ZHX3: variants seen among roughly 807,000 people sequenced by gnomAD.
ZHX3 encodes zinc fingers and homeoboxes 3.
ZHX3 carries 20 observed loss-of-function variants against 64.5 expected under a neutral mutation model. The ratio of observed to expected loss-of-function variants is 0.31; its 90% CI spans 0.22 to 0.45. The LOEUF (loss-of-function observed/expected upper bound fraction) is 0.45. ZHX3 is among the 20% of genes least tolerant of loss of function. The probability of loss-of-function intolerance (pLI) is 1.00; values close to 1 mark genes in which losing one functional copy is unlikely to be tolerated. For missense variants in ZHX3, 1,041 were observed against 1,195.8 expected (o/e 0.87, Z 1.91); for synonymous variants, 423 against 461.6 (o/e 0.92, Z 1.07).
At chr20:41,297,153 C>A (rs1395170949) in intron 1 of ZHX3, among the ~76,000 whole-genome samples, 1 of 152,204 alleles carries the variant, frequency 6.6e-6, no homozygotes, top group Non-Finnish European at 1.5e-5. Context: ...TGAATCAACA[C>A]AAGGAGAATG....
intron 2 of ZHX3, among the ~76,000 whole-genome samples, chr20:41,262,508 C>A (rs2042612223): frequency 1.3e-5 from 2 of 152,214 alleles, no homozygotes; most frequent in African/African-American, 4.8e-5. Flanking sequence ...ATTTAGCTCC[C>A]AGGGTGCCTG....
chr20:41,271,648 T>TA (rs572682307), intron 1 of ZHX3, among the ~76,000 whole-genome samples: 118 of 151,074 alleles, frequency 7.8e-4, no homozygotes, highest in South Asian at 2.5e-3. Flanking sequence ...GCCTCATTCA[T>TA]AAAAAAAAAG....
At chr20:41,215,585 C>T (rs984030910) in intron 2 of ZHX3, among the ~76,000 whole-genome samples, 4 of 151,832 alleles carry the variant, frequency 2.6e-5, no homozygotes, top group Admixed American at 6.6e-5. Context: ...CTCTTCCAAG[C>T]GTTATGATAG....
intron 2 of ZHX3, among the ~76,000 whole-genome samples, chr20:41,209,640 A>T (rs895257753): frequency 1.3e-5 from 2 of 152,224 alleles, no homozygotes; most frequent in African/African-American, 4.8e-5. Context: ...CTGGCTAGCC[A>T]TATGCAGAAA....
At chr20:41,304,906 G>A (rs1024082571) in intron 1 of ZHX3, among the ~76,000 whole-genome samples, 2 of 152,216 alleles carry the variant, frequency 1.3e-5, no homozygotes, top group Admixed American at 6.5e-5. Context: ...GAATCATCAT[G>A]GGGAAGAATC....
chr20:41,237,374 C>T (rs1265886203), intron 2 of ZHX3, among the ~76,000 whole-genome samples: 2 of 152,262 alleles, frequency 1.3e-5, no homozygotes, highest in East Asian at 1.9e-4. Context: ...AAATGTCCAA[C>T]AAAGATAGAC....
At chr20:41,223,675 T>C (rs1261547805) in intron 2 of ZHX3, among the ~76,000 whole-genome samples, 1 of 152,246 alleles carries the variant, frequency 6.6e-6, no homozygotes, top group Non-Finnish European at 1.5e-5. Context: ...GGGAAGCTTT[T>C]CCCTGTAGCC....
intron 3 of ZHX3, among the ~76,000 whole-genome samples, chr20:41,186,220 A>G (rs2036510776): frequency 6.6e-6 from 1 of 152,116 alleles, no homozygotes; most frequent in Non-Finnish European, 1.5e-5. Flanking sequence ...GCCTTTGCCT[A>G]TTTTAGATAC....
intron 1 of ZHX3, among the ~76,000 whole-genome samples, chr20:41,293,555 A>G (rs2044357201): frequency 6.6e-6 from 1 of 151,704 alleles, no homozygotes; most frequent in Non-Finnish European, 1.5e-5. Context: ...TTGCTAAAGA[A>G]AAAAAAAAGT....
At chr20:41,246,420 T>G (rs1459342335) in intron 2 of ZHX3, among the ~76,000 whole-genome samples, 7 of 152,236 alleles carry the variant, frequency 4.6e-5, no homozygotes, top group Non-Finnish European at 1.5e-5. Context: ...ACTCACTCAC[T>G]CATACTTTTT....
intron 2 of ZHX3, among the ~76,000 whole-genome samples, chr20:41,205,661 A>T (rs2038644597): frequency 6.6e-6 from 1 of 152,208 alleles, no homozygotes; most frequent in Non-Finnish European, 1.5e-5. Flanking sequence ...AGGCCACAGA[A>T]AAGCGATCAC....
chr20:41,292,053 A>G (rs1411310667), intron 1 of ZHX3, among the ~76,000 whole-genome samples: 2 of 150,206 alleles, frequency 1.3e-5, no homozygotes, highest in Non-Finnish European at 2.9e-5. Flanking sequence ...CTATAATTCA[A>G]TTACTATTAA....
At chr20:41,289,659 C>G (rs1034594826) in intron 1 of ZHX3, among the ~76,000 whole-genome samples, 4 of 151,816 alleles carry the variant, frequency 2.6e-5, no homozygotes. Flanking sequence ...TTGTCCATTT[C>G]CTTTCAGCAG....
chr20:41,196,052 G>A (rs1405555515), intron 3 of ZHX3, among the ~76,000 whole-genome samples: 3 of 151,666 alleles, frequency 2.0e-5, no homozygotes, highest in Admixed American at 6.6e-5. Flanking sequence ...TGAGAAGACT[G>A]TGTATTCTGC....
intron 2 of ZHX3, among the ~76,000 whole-genome samples, chr20:41,220,720 G>A (rs1207710727): frequency 6.6e-6 from 1 of 151,962 alleles, no homozygotes; most frequent in East Asian, 1.9e-4. Flanking sequence ...TTGAGGCAGA[G>A]TCTTACTCTA....
intron 1 of ZHX3, among the ~76,000 whole-genome samples, chr20:41,283,193 G>A (rs952727935): frequency 5.9e-5 from 9 of 152,132 alleles, no homozygotes; most frequent in African/African-American, 1.9e-4. Context: ...ACAGGTGTGA[G>A]CCACCATGCC....
intron 2 of ZHX3, among the ~76,000 whole-genome samples, chr20:41,261,179 GAA>G (rs907106106): frequency 6.6e-5 from 10 of 151,742 alleles, no homozygotes; most frequent in African/African-American, 2.4e-4. Context: ...AAGGAAGAGA[GAA>G]AAAAAACTCC....
At chr20:41,222,980 A>C (rs2040046968) in intron 2 of ZHX3, among the ~76,000 whole-genome samples, 1 of 151,846 alleles carries the variant, frequency 6.6e-6, no homozygotes. Flanking sequence ...TGTTCCTTTT[A>C]CCTCTTCCAG....
intron 1 of ZHX3, among the ~76,000 whole-genome samples, chr20:41,282,337 A>C (rs941389756): frequency 6.8e-6 from 1 of 146,698 alleles, no homozygotes; most frequent in African/African-American, 2.5e-5. Context: ...GTAATGTCTT[A>C]GAGGTCCATT....
Sources: gnomAD v4.1 joint callset for allele counts (sites outside exome capture counted in the v4.1 genomes callset) on GRCh38, gnomAD v4.1.1 for gene constraint, MANE v1.5 for transcripts, NCBI Gene and HGNC (gene_info 2026-07-23, HGNC 2026-07-21) for gene names.